MYO16: variants seen among roughly 807,000 people sequenced by gnomAD.
The protein encoded by MYO16 is myosin XVI.
Under a neutral mutation model 205.3 loss-of-function variants are expected in MYO16, and 94 were observed. The ratio of observed to expected loss-of-function variants is 0.46; its 90% CI spans 0.39 to 0.54. The LOEUF (loss-of-function observed/expected upper bound fraction) is 0.54. Among genes scored for constraint, MYO16 ranks in the 20% least tolerant of loss-of-function variants. The pLI is 0.00. For synonymous variants in MYO16, 988 were observed against 954.0 expected (o/e 1.04, Z -0.66); for missense variants, 2,315 against 2,387.5 (o/e 0.97, Z 0.63).
At chr13:108,978,298 A>C (rs568198612) in intron 20 of MYO16, among the ~76,000 whole-genome samples, 3 of 152,202 alleles carry the variant, frequency 2.0e-5, no homozygotes, top group East Asian at 3.9e-4. Context: ...AGCACTGCCA[A>C]TACATGTGGG....
At chr13:108,946,981 A>G (rs1162711614) in intron 16 of MYO16, among the ~76,000 whole-genome samples, 1 of 152,160 alleles carries the variant, frequency 6.6e-6, no homozygotes, top group African/African-American at 2.4e-5. Flanking sequence ...GAGGTTGCTT[A>G]ATACATTTGT....
chr13:108,858,049 A>G (rs1878275889), intron 11 of MYO16, among the ~76,000 whole-genome samples: 1 of 152,226 alleles, frequency 6.6e-6, no homozygotes, highest in African/African-American at 2.4e-5. Context: ...TCTAATGGGT[A>G]GACAAGCAAT....
In MYO16 at chr13:109,019,693, T is replaced by C. The variant is rs756643219; in HGVS notation, c.2596-18T>C. The C allele has an allele frequency of 6.3e-7, 1 of 1,597,130 alleles. No individual in the cohort carries two copies. Among genetic ancestry groups the C allele is most frequent in the African/African-American group, 1.3e-5 (1 of 74,438 alleles). ...AAGTAATAGACAAAACAACTCCCCA[T>C]CTCTTCTTAACTCTCAGAAGCCATC... is the stretch of plus-strand genomic sequence containing the variant. On this transcript the variant is annotated intron_variant, in intron 22 of 34. Coordinates refer to ENST00000457511, the MANE Select transcript of MYO16 (RefSeq NM_001198950.3).
At chr13:108,789,857 C>A (rs1241666636) in intron 5 of MYO16, among the ~76,000 whole-genome samples, 1 of 151,962 alleles carries the variant, frequency 6.6e-6, no homozygotes, top group Non-Finnish European at 1.5e-5. Context: ...TTATGTATGA[C>A]CAAATGATGA....
At chr13:109,010,211 A>C (rs1885546020) in intron 22 of MYO16, among the ~76,000 whole-genome samples, 1 of 152,198 alleles carries the variant, frequency 6.6e-6, no homozygotes, top group African/African-American at 2.4e-5. Flanking sequence ...AGAGCCATGC[A>C]ATCTCTTCTA....
intron 2 of MYO16, among the ~76,000 whole-genome samples, chr13:108,696,038 GA>G (rs1159646756): frequency 3.3e-5 from 5 of 152,058 alleles, no homozygotes; most frequent in African/African-American, 4.8e-5. Context: ...TCAATTGTTT[GA>G]ATTTAAAAAA....
the MYO16 span, among the ~76,000 whole-genome samples, chr13:108,510,266 G>A: frequency 4.6e-5 from 7 of 151,714 alleles, no homozygotes; most frequent in African/African-American, 1.2e-4. Context: ...ACAGGTGCCC[G>A]CCATCACGCC....
upstream of MYO16, chr13:108,629,608 T>C (rs1879881565): frequency 2.1e-6 from 1 of 478,706 alleles, no homozygotes; most frequent in African/African-American, 1.9e-5. Context: ...CAATAGCACG[T>C]GCACCAGTGG....
At chr13:108,836,348 C>T (rs1232844190) in intron 9 of MYO16, among the ~76,000 whole-genome samples, 1 of 152,188 alleles carries the variant, frequency 6.6e-6, no homozygotes, top group Non-Finnish European at 1.5e-5. Flanking sequence ...TGTATGGAAA[C>T]ATCTGAATTT....
chr13:108,920,808 T>C (rs886377356), intron 16 of MYO16, among the ~76,000 whole-genome samples: 12 of 152,230 alleles, frequency 7.9e-5, no homozygotes, highest in African/African-American at 2.7e-4. Context: ...ATAAGAGATA[T>C]TTATTTTCGT....
At chr13:108,636,606 T>C (rs2139368623) in intron 1 of MYO16, among the ~76,000 whole-genome samples, 1 of 152,156 alleles carries the variant, frequency 6.6e-6, no homozygotes, top group Non-Finnish European at 1.5e-5. Flanking sequence ...TCTCGATCTC[T>C]TGACCTCTTG....
At chr13:109,159,434 C>T (rs893622167) in intron 32 of MYO16, among the ~76,000 whole-genome samples, 1 of 144,294 alleles carries the variant, frequency 6.9e-6, no homozygotes, top group African/African-American at 2.6e-5. Flanking sequence ...AGTGTAGCTC[C>T]TTTCAGAAAG....
chr13:109,132,829 T>C (rs1398976356), intron 31 of MYO16, among the ~76,000 whole-genome samples: 1 of 152,224 alleles, frequency 6.6e-6, no homozygotes, highest in African/African-American at 2.4e-5. Context: ...GTGTCTTCCA[T>C]GAGCCTGGAT....
At chr13:108,798,768 G>C (rs970385385) in intron 6 of MYO16, among the ~76,000 whole-genome samples, 31 of 130,876 alleles carry the variant, frequency 2.4e-4, no homozygotes, top group East Asian at 1.5e-3. Context: ...TGCAGTGGCG[G>C]AATCTCGGCT....
At chr13:109,054,204 T>C in intron 25 of MYO16, 1 of 208,402 alleles carries the variant, frequency 4.8e-6, no homozygotes. Flanking sequence ...ATTTTATGTC[T>C]CTATCATCAT....
chr13:108,857,675 T>C (rs536880599), intron 11 of MYO16, among the ~76,000 whole-genome samples: 2 of 152,344 alleles, frequency 1.3e-5, no homozygotes, highest in East Asian at 3.9e-4. Context: ...TTTAAGATGA[T>C]CCTAGCCCAT....
At chr13:109,134,304 T>G (rs1876671011) in intron 31 of MYO16, among the ~76,000 whole-genome samples, 1 of 152,088 alleles carries the variant, frequency 6.6e-6, no homozygotes, top group South Asian at 2.1e-4. Flanking sequence ...TATTTATAAT[T>G]GTTTAATGCA....
chr13:108,949,108 G>C (rs912599840), intron 16 of MYO16, among the ~76,000 whole-genome samples: 2 of 152,282 alleles, frequency 1.3e-5, no homozygotes, highest in East Asian at 3.9e-4. Flanking sequence ...AGCACAAGTC[G>C]AATTTTATAC....
intron 10 of MYO16, among the ~76,000 whole-genome samples, chr13:108,849,506 T>C (rs1228769915): frequency 6.7e-6 from 1 of 150,094 alleles, no homozygotes; most frequent in African/African-American, 2.5e-5. Flanking sequence ...ACAGTCTTTT[T>C]TTTTTTTAAT....
Sources: allele counts gnomAD v4.1 joint callset (sites outside exome capture counted in the v4.1 genomes callset), GRCh38; gene constraint gnomAD v4.1.1; transcripts MANE v1.5; gene names NCBI Gene and HGNC (gene_info 2026-07-23, HGNC 2026-07-21).